ZNF516: variants seen among roughly 807,000 people sequenced by gnomAD.
The protein encoded by ZNF516 is zinc finger protein 516.
ZNF516 carries 19 observed loss-of-function variants against 79.7 expected under a neutral mutation model. That is an observed-to-expected ratio of 0.24 (90% CI 0.17 to 0.35). ZNF516 has a LOEUF of 0.35. ZNF516 is among the 10% of genes least tolerant of loss of function. ZNF516 has a pLI of 1.00. For missense variants in ZNF516, 1,678 were observed against 1,679.5 expected (o/e 1.00, Z 0.02); for synonymous variants, 877 against 739.5 (o/e 1.19, Z -3.02).
At chr18:76,417,045 A>G (rs2075441400) in intron 3 of ZNF516, among the ~76,000 whole-genome samples, 1 of 152,222 alleles carries the variant, frequency 6.6e-6, no homozygotes, top group Admixed American at 6.5e-5. Flanking sequence ...GGATATTGAG[A>G]AATAAACAGA....
At chr18:76,492,183 G>T in intron 1 of ZNF516, 2 of 985,416 alleles carry the variant, frequency 2.0e-6, no homozygotes, top group Non-Finnish European at 2.4e-6. Flanking sequence ...CAGAAGCGCA[G>T]CAACCCCGCG....
chr18:76,428,013 A>C (rs979985599), intron 3 of ZNF516, among the ~76,000 whole-genome samples: 2 of 152,246 alleles, frequency 1.3e-5, no homozygotes, highest in Non-Finnish European at 2.9e-5. Context: ...GGTGGACATG[A>C]GGATTATTAC....
At chr18:76,384,705 G>A (rs2074956313) in intron 3 of ZNF516, among the ~76,000 whole-genome samples, 2 of 151,522 alleles carry the variant, frequency 1.3e-5, no homozygotes, top group Non-Finnish European at 2.9e-5. Flanking sequence ...GTCCGGGGAG[G>A]GGGCTCCAGC....
At chr18:76,429,765 C>G (rs1428104204) in intron 3 of ZNF516, among the ~76,000 whole-genome samples, 5 of 152,160 alleles carry the variant, frequency 3.3e-5, no homozygotes, top group African/African-American at 1.2e-4. Flanking sequence ...GAAATTCTGA[C>G]CCAGAATGGA....
At chr18:76,363,472 C>T (rs993456239) in intron 6 of ZNF516, among the ~76,000 whole-genome samples, 13 of 152,194 alleles carry the variant, frequency 8.5e-5, no homozygotes, top group African/African-American at 3.1e-4. Flanking sequence ...CTACTTACAG[C>T]TGGCTCTGTG....
At chr18:76,480,763 C>T (rs754568353) in intron 1 of ZNF516, among the ~76,000 whole-genome samples, 2 of 152,126 alleles carry the variant, frequency 1.3e-5, no homozygotes, top group Middle Eastern at 3.2e-3. Flanking sequence ...CTCAAGTGAT[C>T]CGCCCACCTC....
rs1029700208 is a variant in ZNF516 at position 76,459,330 on chromosome 18, C to T, written c.-158+3698G>A. Among the ~76,000 whole-genome samples the T allele has an allele frequency of 2.5e-4, 38 of 152,318 alleles. No homozygotes were observed. The Middle Eastern group carries it at 0.01, about 41-fold the overall frequency. On this transcript the variant is annotated intron_variant, in intron 2 of 6. Transcript: ENST00000443185. The surrounding 1 kb of genome is among the most constrained non-coding windows in gnomAD (Gnocchi z 5.0). Reference sequence around the variant, plus strand: ...TCCTGGGCCGGTGACAGCCCTGACCCGTGGCCACCATCCACTCAACATCAT... The same window carrying T: ...TCCTGGGCCGGTGACAGCCCTGACCTGTGGCCACCATCCACTCAACATCAT...
chr18:76,371,468 T>C lies in ZNF516; in HGVS notation c.3363A>G (p.Ser1121=). ...GHLRAHMRAH[S]VVFESDGPRG... Reference sequence around the variant, plus strand: ...GATAGCTGGGCGGGAGGGCGATACCTGAGTGTGCCCGCATGTGGGCCCTGA... The same window carrying C: ...GATAGCTGGGCGGGAGGGCGATACCCGAGTGTGCCCGCATGTGGGCCCTGA... Residue 1121 remains serine, a splice_region_variant and synonymous_variant, in exon 5 of 7, where the codon TCA becomes TCG. Coordinates refer to ENST00000443185, the MANE Select transcript of ZNF516 (RefSeq NM_014643.4). 1.2e-6 allele frequency: 2 copies of C among 1,605,676 alleles called. No individual in the cohort carries two copies. The highest frequency in any genetic ancestry group is 1.7e-6 in the Non-Finnish European group (2 of 1,179,142).
chr18:76,471,667 C>T (rs1368527133), intron 1 of ZNF516, among the ~76,000 whole-genome samples: 2 of 152,186 alleles, frequency 1.3e-5, no homozygotes, highest in African/African-American at 4.8e-5. Flanking sequence ...TCCCGTCACG[C>T]TAGATCCTGT....
chr18:76,456,606 T>A (rs1306850931), intron 2 of ZNF516, among the ~76,000 whole-genome samples: 1 of 152,076 alleles, frequency 6.6e-6, no homozygotes, highest in African/African-American at 2.4e-5. Flanking sequence ...CTCCCGGGAA[T>A]GTGTGTGTGG....
intron 3 of ZNF516, among the ~76,000 whole-genome samples, chr18:76,381,850 G>A (rs1200081436): frequency 6.6e-6 from 1 of 152,220 alleles, no homozygotes; most frequent in African/African-American, 2.4e-5. Flanking sequence ...ATAAAGTCAA[G>A]GCTGGACACA....
In ZNF516 at chr18:76,441,254, G is replaced by A. The variant is rs760417270; in HGVS notation, c.1801C>T (p.Pro601Ser). Residue 601 changes from proline (P) to serine (S), a missense_variant, in exon 3 of 7, where the codon CCT becomes TCT. Coordinates refer to ENST00000443185, the MANE Select transcript of ZNF516 (RefSeq NM_014643.4). ...EDSGEEGAPE[P>S]APGGQPRRCC... The stretch of plus-strand genomic sequence containing the variant: ...GGGTACACTTGCTCACCTGGTGCAG[G>A]TTCAGGGGCGCCCTCCTCACCACTG... 2 of 1,609,734 alleles carry A rather than the reference G, an allele frequency of 1.2e-6. No homozygotes were observed. The highest frequency in any genetic ancestry group is 1.1e-5 in the South Asian group (1 of 90,500).
At chr18:76,385,638 C>T (rs1157102965) in intron 3 of ZNF516, 1 of 152,254 alleles carries the variant, frequency 6.6e-6, no homozygotes, top group African/African-American at 2.4e-5. Context: ...CTCTTTTCTT[C>T]TTTGAAAAAT....
At position 76,362,532 on chromosome 18, in the gene ZNF516, G is replaced by T. The variant is rs1278858979; in HGVS notation, c.3458C>A (p.Thr1153Asn). Reference sequence around the variant, plus strand: ...CTTTCTCAGAGGCACTGTCTGGACGGTACCTGTGTTAGAATGGTCTCTCCC... The same window carrying T: ...CTTTCTCAGAGGCACTGTCTGGACGTTACCTGTGTTAGAATGGTCTCTCCC... ...KQGRDHSNTG[T>N]VQTVPLRKGT Residue 1153 changes from threonine (T) to asparagine (N), a missense_variant, in exon 7 of 7, where the codon ACC (threonine) becomes AAC (asparagine). By Grantham distance (65) the Thr-to-Asn change is moderately conservative. Coordinates refer to ENST00000443185, the MANE Select transcript of ZNF516 (RefSeq NM_014643.4). 1 of 1,613,186 alleles carries T rather than the reference G, an allele frequency of 6.2e-7. No homozygotes were observed. Among genetic ancestry groups the T allele is most frequent in the Non-Finnish European group, 8.5e-7 (1 of 1,179,238 alleles).
chr18:76,380,721 C>T (rs1326981377), intron 3 of ZNF516, among the ~76,000 whole-genome samples: 2 of 152,146 alleles, frequency 1.3e-5, no homozygotes, highest in Non-Finnish European at 2.9e-5. Flanking sequence ...TCATTCATTG[C>T]AGGGTAAGAA....
chr18:76,463,288 T>TG (rs1320497336), intron 1 of ZNF516, 147 bp from the exon 2 acceptor site: 1 of 152,228 alleles, frequency 6.6e-6, no homozygotes, highest in Non-Finnish European at 1.5e-5. Context: ...TCACCCCAAG[T>TG]GGGGCTGCTG....
intron 2 of ZNF516, among the ~76,000 whole-genome samples, chr18:76,450,171 C>T (rs1422533615): frequency 1.8e-5 from 2 of 112,222 alleles, no homozygotes; most frequent in Non-Finnish European, 3.4e-5. Flanking sequence ...ATGTTAACAA[C>T]TCATGAAACT....
At chr18:76,455,477 C>T (rs1471937681) in intron 2 of ZNF516, among the ~76,000 whole-genome samples, 3 of 152,164 alleles carry the variant, frequency 2.0e-5, no homozygotes, top group Non-Finnish European at 4.4e-5. Context: ...GGATCACTGC[C>T]GGCACAGGTG....
At chr18:76,436,538 G>A (rs2075738615) in intron 3 of ZNF516, among the ~76,000 whole-genome samples, 1 of 152,172 alleles carries the variant, frequency 6.6e-6, no homozygotes, top group Admixed American at 6.5e-5. Flanking sequence ...GGACACCGCT[G>A]AGTCCCCGAG....
Sources: gnomAD v4.1 joint callset for allele counts (sites outside exome capture counted in the v4.1 genomes callset) on GRCh38, gnomAD v4.1.1 for gene constraint, Gnocchi (gnomAD v3.1) non-coding constraint, MANE v1.5 for transcripts, NCBI Gene and HGNC (gene_info 2026-07-23, HGNC 2026-07-21) for gene names.